KCNG3: variants seen among roughly 807,000 people sequenced by gnomAD.
The protein encoded by KCNG3 is potassium voltage-gated channel modifier subfamily G member 3, also known as voltage-gated potassium channel regulatory subunit KCNG3.
Under a neutral mutation model 29.0 loss-of-function variants are expected in KCNG3, and 15 were observed. The observed-to-expected ratio is 0.52, with a 90% confidence interval of 0.35 to 0.80. The LOEUF (loss-of-function observed/expected upper bound fraction) is 0.80, where lower values mean the gene tolerates loss of function less well. Among genes scored for constraint, KCNG3 ranks in the 30% least tolerant of loss-of-function variants. KCNG3 has a pLI of 0.01. For synonymous variants in KCNG3, 322 were observed against 248.9 expected (o/e 1.29, Z -2.76); for missense variants, 512 against 605.7 (o/e 0.85, Z 1.62).
In KCNG3 at chr2:42,443,554, C is replaced by A; in HGVS notation, c.*380G>T. The A allele has an allele frequency of 6.1e-6, 1 of 163,524 alleles. No individual in the cohort carries two copies. Among genetic ancestry groups the A allele is most frequent in the Non-Finnish European group, 1.3e-5 (1 of 75,696 alleles). The allele number at this position is 163,524 out of a possible 1,614,324, so 10.1% of individuals were successfully genotyped here. On this transcript the variant is annotated 3_prime_UTR_variant, in exon 2 of 2. Coordinates refer to ENST00000306078, the MANE Select transcript of KCNG3 (RefSeq NM_133329.6). The stretch of plus-strand genomic sequence containing the variant: ...TAGAAATGAAAATGTTACTCTCAAA[C>A]AAAAAACACTATAAGTTCCAAGCTT...
chr2:42,456,080 A>T (rs978037504), intron 1 of KCNG3, among the ~76,000 whole-genome samples: 7 of 151,888 alleles, frequency 4.6e-5, no homozygotes, highest in African/African-American at 1.7e-4. Flanking sequence ...CTTACTAATC[A>T]TATTTACACT....
chr2:42,401,991 G>T, the KCNG3 span, among the ~76,000 whole-genome samples: 2 of 152,192 alleles, frequency 1.3e-5, no homozygotes, highest in Admixed American at 6.5e-5. Flanking sequence ...CAGATAGCTG[G>T]TAAAACATTA....
chr2:42,455,986 T>C (rs1298213892), intron 1 of KCNG3, among the ~76,000 whole-genome samples: 4 of 149,632 alleles, frequency 2.7e-5, no homozygotes, highest in Non-Finnish European at 1.5e-5. Context: ...ATATAGTATA[T>C]TTTAAATATA....
chr2:42,415,413 G>C, the KCNG3 span: 5 of 152,144 alleles, frequency 3.3e-5, no homozygotes, highest in Non-Finnish European at 7.4e-5. Flanking sequence ...GGTCAGGCTA[G>C]GTTATATGAC....
Position 42,493,627 on chromosome 2 carries a change from G to T in KCNG3, c.-126C>A, listed in dbSNP as rs942066209. On this transcript the variant is annotated 5_prime_UTR_variant, in exon 1 of 2. Transcript: ENST00000306078. ...CGCCGTCGGGGCCCGCGCTCCCTCGGGGCTCCGCTCCTGCCCTCCGCTGGC... is the reference window on the plus strand; with the variant it reads ...CGCCGTCGGGGCCCGCGCTCCCTCGTGGCTCCGCTCCTGCCCTCCGCTGGC... 1 of 810,140 alleles carries T rather than the reference G, an allele frequency of 1.2e-6. No individual in the cohort carries two copies. Among genetic ancestry groups the T allele is most frequent in the Admixed American group, 4.5e-5 (1 of 22,440 alleles). 50.2% of individuals were successfully genotyped at this position (810,140 alleles called of 1,614,324 possible).
chr2:42,393,394 C>T, the KCNG3 span, among the ~76,000 whole-genome samples: 2 of 151,998 alleles, frequency 1.3e-5, no homozygotes, highest in South Asian at 4.2e-4. Context: ...AACCCTGTCT[C>T]TGCTAAAAAT....
Position 42,477,372 on chromosome 2 carries a change from TACACACACATATATATAC to T in KCNG3, c.665+15447_665+15464del, listed in dbSNP as rs1673456676. On this transcript the variant is annotated intron_variant, in intron 1 of 1. Transcript: ENST00000306078. ...ATATGTGTGTGTATATACATATATA[TACACACACATATATATAC>T]ACACACACACACACACACACACACA... is the stretch of plus-strand genomic sequence containing the variant. Among the ~76,000 whole-genome samples, 5 of 101,728 alleles carry T rather than the reference TACACACACATATATATAC, an allele frequency of 4.9e-5. No homozygotes were observed. The Admixed American group carries it at 5.5e-4, about 11-fold the overall frequency. The allele number at this position is 101,728 out of a possible 152,430, so 66.7% of individuals were successfully genotyped here.
chr2:42,465,973 G>C (rs1238285587), intron 1 of KCNG3, among the ~76,000 whole-genome samples: 1 of 152,166 alleles, frequency 6.6e-6, no homozygotes, highest in Non-Finnish European at 1.5e-5. Flanking sequence ...CACCAAGTTT[G>C]TGAAGTAACT....
chr2:42,468,005 C>T (rs1314266013), intron 1 of KCNG3, among the ~76,000 whole-genome samples: 3 of 151,094 alleles, frequency 2.0e-5, no homozygotes, highest in Non-Finnish European at 2.9e-5. Context: ...AATGTTGATA[C>T]CAAACCCAGA....
At chr2:42,426,985 T>G in the KCNG3 span, among the ~76,000 whole-genome samples, 1 of 152,218 alleles carries the variant, frequency 6.6e-6, no homozygotes, top group Non-Finnish European at 1.5e-5. Flanking sequence ...GTAAAGACAT[T>G]CTCAATGTAC....
At chr2:42,431,775 T>C in the KCNG3 span, among the ~76,000 whole-genome samples, 142 of 152,198 alleles carry the variant, frequency 9.3e-4, 2 homozygotes, top group Admixed American at 6.7e-3. Flanking sequence ...TAGTGGCTTC[T>C]GCCTTTAACC....
chr2:42,441,908 G>A (rs997706681), downstream of KCNG3: 5 of 151,632 alleles, frequency 3.3e-5, no homozygotes, highest in East Asian at 1.9e-4. Flanking sequence ...AGACACTGTC[G>A]GGGATACAAA....
chr2:42,434,458 C>CAAAAAAAA, the KCNG3 span, among the ~76,000 whole-genome samples: 3 of 31,236 alleles, frequency 9.6e-5, no homozygotes, highest in Admixed American at 7.4e-4. Context: ...GACACTGTCT[C>CAAAAAAAA]AAAAAAAAAA....
chr2:42,487,216 CAAAT>C (rs1171551678), intron 1 of KCNG3, among the ~76,000 whole-genome samples: 3 of 149,610 alleles, frequency 2.0e-5, no homozygotes, highest in Non-Finnish European at 4.4e-5. Context: ...TTTTGCTCAA[CAAAT>C]AGATAGTGAA....
intron 1 of KCNG3, among the ~76,000 whole-genome samples, chr2:42,477,489 G>A (rs567153672): frequency 1.1e-4 from 15 of 141,538 alleles, no homozygotes; most frequent in African/African-American, 3.4e-4. Context: ...GTGCAGTGGC[G>A]CAATCTCGGC....
the KCNG3 span, among the ~76,000 whole-genome samples, chr2:42,407,835 G>A: frequency 6.6e-6 from 1 of 152,052 alleles, no homozygotes; most frequent in East Asian, 1.9e-4. Flanking sequence ...CCATGCAGCA[G>A]GCAGGAACCC....
intron 1 of KCNG3, among the ~76,000 whole-genome samples, chr2:42,447,153 C>A (rs1286503414): frequency 1.4e-5 from 2 of 146,354 alleles, no homozygotes; most frequent in East Asian, 3.9e-4. Flanking sequence ...CCACCCAATT[C>A]CCCTCCCTGG....
At chr2:42,421,502 T>A in the KCNG3 span, among the ~76,000 whole-genome samples, 5 of 152,000 alleles carry the variant, frequency 3.3e-5, 1 homozygote, top group South Asian at 6.2e-4. Flanking sequence ...TCTTCTTTTT[T>A]ATTATCTATA....
chr2:42,423,981 A>G, the KCNG3 span, among the ~76,000 whole-genome samples: 1 of 152,180 alleles, frequency 6.6e-6, no homozygotes. Context: ...TAGCTCCTGT[A>G]AAATAACTTA....
Sources: allele counts gnomAD v4.1 joint callset (sites outside exome capture counted in the v4.1 genomes callset), GRCh38; gene constraint gnomAD v4.1.1; transcripts MANE v1.5; gene names NCBI Gene and HGNC (gene_info 2026-07-23, HGNC 2026-07-21).